RAPGEF2: variants seen among roughly 807,000 people sequenced by gnomAD.
The protein encoded by RAPGEF2 is PDZ domain containing guanine nucleotide exchange factor (GEF) 1.
RAPGEF2 carries 54 observed loss-of-function variants against 186.7 expected under a neutral mutation model. That is an observed-to-expected ratio of 0.29 (90% CI 0.23 to 0.36). The LOEUF (loss-of-function observed/expected upper bound fraction) is 0.36, where lower values mean the gene tolerates loss of function less well. Among genes scored for constraint, RAPGEF2 ranks in the 10% least tolerant of loss-of-function variants. RAPGEF2 has a pLI of 1.00. For missense variants in RAPGEF2, 1,532 were observed against 2,045.0 expected (o/e 0.75, Z 4.84); for synonymous variants, 712 against 705.9 (o/e 1.01, Z -0.14).
chr4:159,274,481 A>C (rs751023821), intron 7 of RAPGEF2, among the ~76,000 whole-genome samples: 3 of 152,250 alleles, frequency 2.0e-5, no homozygotes, highest in Non-Finnish European at 4.4e-5. Flanking sequence ...CCATGTGAGC[A>C]TGTATAAAAA....
At chr4:159,126,947 C>T (rs1459789726) in intron 1 of RAPGEF2, among the ~76,000 whole-genome samples, 1 of 152,218 alleles carries the variant, frequency 6.6e-6, no homozygotes, top group African/African-American at 2.4e-5. Context: ...GGGTAAACTG[C>T]TCCTACGTTT....
At chr4:159,246,432 A>C (rs1291068336) in intron 7 of RAPGEF2, among the ~76,000 whole-genome samples, 1 of 152,160 alleles carries the variant, frequency 6.6e-6, no homozygotes, top group Non-Finnish European at 1.5e-5. Flanking sequence ...TTTTAAAACT[A>C]AGGTTATTAT....
intron 20 of RAPGEF2, among the ~76,000 whole-genome samples, chr4:159,342,616 A>ATTTTATTTTATTTTAT (rs1554041277): frequency 8.4e-6 from 1 of 118,352 alleles, no homozygotes; most frequent in African/African-American, 3.2e-5. Flanking sequence ...ATTTTATTTT[A>ATTTTATTTTATTTTAT]TTACTAGAGG....
intron 1 of RAPGEF2, among the ~76,000 whole-genome samples, chr4:159,174,760 C>T (rs28488243): frequency 0.011 from 497 of 44,078 alleles, 5 homozygotes; most frequent in African/African-American, 0.066. Flanking sequence ...TTCTTTCTTT[C>T]TTTTTTTTTT....
At chr4:159,151,944 G>T (rs2111193201) in intron 1 of RAPGEF2, among the ~76,000 whole-genome samples, 1 of 152,294 alleles carries the variant, frequency 6.6e-6, no homozygotes, top group East Asian at 1.9e-4. Context: ...CAGTGGGAAG[G>T]AGCTGTTGAG....
chr4:159,241,453 G>C, intron 6 of RAPGEF2, 85 bp downstream of exon 6: 1 of 832,108 alleles, frequency 1.2e-6, no homozygotes, highest in Non-Finnish European at 1.6e-6. Context: ...TTCCATTTTT[G>C]ACAAATCTTT....
At chr4:159,185,062 A>G (rs1415040819) in intron 1 of RAPGEF2, among the ~76,000 whole-genome samples, 4 of 152,204 alleles carry the variant, frequency 2.6e-5, no homozygotes, top group Non-Finnish European at 5.9e-5. Context: ...TAAGTGGACA[A>G]AAAAGCACAT....
At chr4:159,268,101 T>TC in intron 7 of RAPGEF2, 1 of 1,599,432 alleles carries the variant, frequency 6.3e-7, no homozygotes. Context: ...TGACTTGCCA[T>TC]CGTGAGAGAT....
chr4:159,292,119 G>A (rs74950452), intron 7 of RAPGEF2, among the ~76,000 whole-genome samples: 3 of 152,106 alleles, frequency 2.0e-5, no homozygotes, highest in East Asian at 3.9e-4. Flanking sequence ...TTATTGACTC[G>A]TACATTTTGA....
chr4:159,171,602 C>G (rs1745910663), intron 1 of RAPGEF2, among the ~76,000 whole-genome samples: 2 of 152,080 alleles, frequency 1.3e-5, no homozygotes. Context: ...CATCATTTTG[C>G]AAATTTTTCG....
intron 6 of RAPGEF2, among the ~76,000 whole-genome samples, chr4:159,243,314 T>A (rs550696319): frequency 6.6e-6 from 1 of 151,962 alleles, no homozygotes; most frequent in East Asian, 1.9e-4. Flanking sequence ...GCATCCTTTT[T>A]TGGGGTGTAA....
chr4:159,159,740 C>T (rs996997109), intron 1 of RAPGEF2, among the ~76,000 whole-genome samples: 3 of 152,206 alleles, frequency 2.0e-5, no homozygotes, highest in Non-Finnish European at 4.4e-5. Flanking sequence ...AACTTGACCT[C>T]TTCATTAGAA....
intron 7 of RAPGEF2, among the ~76,000 whole-genome samples, chr4:159,281,037 G>C (rs1759629313): frequency 6.7e-6 from 1 of 149,990 alleles, no homozygotes; most frequent in African/African-American, 2.5e-5. Flanking sequence ...CCAGGCTAGA[G>C]TGCGGTGGCT....
intron 8 of RAPGEF2, among the ~76,000 whole-genome samples, chr4:159,310,113 A>T (rs938264979): frequency 1.3e-5 from 2 of 152,176 alleles, no homozygotes; most frequent in Non-Finnish European, 2.9e-5. Flanking sequence ...TTCAAAGGAC[A>T]GTAGTTGGTA....
intron 1 of RAPGEF2, among the ~76,000 whole-genome samples, chr4:159,147,398 G>A (rs1261017969): frequency 6.6e-6 from 1 of 151,506 alleles, no homozygotes; most frequent in Admixed American, 6.6e-5. Flanking sequence ...TATTAAACTG[G>A]AAAAGTTCGT....
At chr4:159,330,283 G>A (rs770206423) in intron 12 of RAPGEF2, 51 bp from the exon 13 acceptor site, 3 of 880,560 alleles carry the variant, frequency 3.4e-6, no homozygotes, top group East Asian at 4.8e-5. Flanking sequence ...GTGTGTGTGT[G>A]TGTGTGTGTG....
At chr4:159,106,906 T>C (rs1737951460) in intron 1 of RAPGEF2, among the ~76,000 whole-genome samples, 1 of 152,150 alleles carries the variant, frequency 6.6e-6, no homozygotes, top group African/African-American at 2.4e-5. Context: ...ATTGGGAGCT[T>C]TTCATGTCCA....
At chr4:159,114,304 A>C (rs530200128) in intron 1 of RAPGEF2, among the ~76,000 whole-genome samples, 25 of 152,086 alleles carry the variant, frequency 1.6e-4, no homozygotes, top group African/African-American at 5.1e-4. Flanking sequence ...GGGTTTCACC[A>C]TGTTGGTCAG....
At chr4:159,164,413 A>G (rs1013992589) in intron 1 of RAPGEF2, among the ~76,000 whole-genome samples, 3 of 152,048 alleles carry the variant, frequency 2.0e-5, no homozygotes, top group African/African-American at 7.2e-5. Flanking sequence ...GAAAACGAAA[A>G]TATCTGTATT....
Sources: gnomAD v4.1 joint callset for allele counts (sites outside exome capture counted in the v4.1 genomes callset) on GRCh38, gnomAD v4.1.1 for gene constraint, MANE v1.5 for transcripts, NCBI Gene and HGNC (gene_info 2026-07-23, HGNC 2026-07-21) for gene names.